NLGN1: variants seen among roughly 807,000 people sequenced by gnomAD.
The protein encoded by NLGN1 is neuroligin 1.
A neutral mutation model predicts 65.5 loss-of-function variants in NLGN1; 12 were observed. That is an observed-to-expected ratio of 0.18 (90% CI 0.12 to 0.30). The LOEUF is 0.30. Among genes scored for constraint, NLGN1 ranks in the 10% least tolerant of loss-of-function variants. NLGN1 has a pLI of 1.00. For synonymous variants in NLGN1, 350 were observed against 359.5 expected (o/e 0.97, Z 0.30); for missense variants, 750 against 1,007.1 (o/e 0.74, Z 3.46).
chr3:174,165,942 A>T (rs1727408177), intron 4 of NLGN1, among the ~76,000 whole-genome samples: 1 of 151,974 alleles, frequency 6.6e-6, no homozygotes, highest in Non-Finnish European at 1.5e-5. Context: ...GTGTTTTCAG[A>T]AATTTATCCA....
At chr3:173,954,890 G>A (rs1711586548) in intron 4 of NLGN1, among the ~76,000 whole-genome samples, 1 of 152,082 alleles carries the variant, frequency 6.6e-6, no homozygotes, top group South Asian at 2.1e-4. Context: ...AAATAATACT[G>A]AGTACTTGCA....
At chr3:173,866,067 C>T (rs1356411219) in intron 4 of NLGN1, among the ~76,000 whole-genome samples, 1 of 152,182 alleles carries the variant, frequency 6.6e-6, no homozygotes, top group Non-Finnish European at 1.5e-5. Flanking sequence ...ACACCTGTGA[C>T]CACATCTGCT....
intron 4 of NLGN1, among the ~76,000 whole-genome samples, chr3:174,241,086 A>G (rs1742717340): frequency 6.6e-6 from 1 of 152,166 alleles, no homozygotes; most frequent in Admixed American, 6.5e-5. Context: ...AACAATGACA[A>G]AACTTAGTTT....
At chr3:173,877,139 T>A (rs1259846089) in intron 4 of NLGN1, among the ~76,000 whole-genome samples, 1 of 152,194 alleles carries the variant, frequency 6.6e-6, no homozygotes, top group Non-Finnish European at 1.5e-5. Context: ...TAATTACTAG[T>A]ACTGTGTGAT....
At chr3:173,564,185 AAAG>A (rs1743259377) in intron 2 of NLGN1, among the ~76,000 whole-genome samples, 1 of 152,176 alleles carries the variant, frequency 6.6e-6, no homozygotes, top group Non-Finnish European at 1.5e-5. Context: ...TTTCTACTCA[AAAG>A]AAGTTAGCTT....
intron 4 of NLGN1, among the ~76,000 whole-genome samples, chr3:173,996,554 A>G (rs978081615): frequency 1.3e-5 from 2 of 152,190 alleles, no homozygotes; most frequent in Non-Finnish European, 2.9e-5. Flanking sequence ...AAGGCTTTCC[A>G]TGTTAAAGTC....
At chr3:174,042,132 A>G (rs1415111724) in intron 4 of NLGN1, among the ~76,000 whole-genome samples, 1 of 151,996 alleles carries the variant, frequency 6.6e-6, no homozygotes, top group African/African-American at 2.4e-5. Flanking sequence ...CCTGTTCTTT[A>G]TCAGATATAT....
intron 4 of NLGN1, among the ~76,000 whole-genome samples, chr3:174,213,313 A>C (rs1007063365): frequency 6.6e-6 from 1 of 152,220 alleles, no homozygotes. Flanking sequence ...GTTTTGTTAG[A>C]GTATAATTTT....
intron 4 of NLGN1, among the ~76,000 whole-genome samples, chr3:173,911,798 T>G (rs1739655682): frequency 6.6e-6 from 1 of 152,196 alleles, no homozygotes; most frequent in Non-Finnish European, 1.5e-5. Flanking sequence ...AAAGCATCCC[T>G]TTGTTTCCTC....
intron 4 of NLGN1, among the ~76,000 whole-genome samples, chr3:174,233,516 A>G (rs1047775976): frequency 5.4e-4 from 70 of 130,718 alleles, no homozygotes; most frequent in Admixed American, 1.6e-3. Flanking sequence ...TAATAATAAT[A>G]ATATAAAAAA....
chr3:173,617,909 T>C (rs1375110554), intron 3 of NLGN1, among the ~76,000 whole-genome samples: 3 of 152,170 alleles, frequency 2.0e-5, no homozygotes, highest in Non-Finnish European at 4.4e-5. Context: ...CTGACAAATA[T>C]ATCTTCTAAT....
chr3:173,641,774 G>C (rs1757452564), intron 3 of NLGN1, among the ~76,000 whole-genome samples: 1 of 152,148 alleles, frequency 6.6e-6, no homozygotes, highest in African/African-American at 2.4e-5. Context: ...TTAGAAGTGG[G>C]TAGGCTAGAG....
intron 2 of NLGN1, among the ~76,000 whole-genome samples, chr3:173,539,756 T>TATAGGTACATATATAAC (rs1560407319): frequency 2.3e-5 from 2 of 85,514 alleles, no homozygotes; most frequent in Admixed American, 1.2e-4. Context: ...ATATATAACA[T>TATAGGTACATATATAAC]ATACATGTAC....
chr3:174,174,267 T>C (rs1336725212), intron 4 of NLGN1, among the ~76,000 whole-genome samples: 2 of 152,182 alleles, frequency 1.3e-5, no homozygotes, highest in Middle Eastern at 3.4e-3. Context: ...GCAAGTGTAA[T>C]TGTGCTGCTA....
chr3:173,659,097 C>T (rs1004115449), intron 3 of NLGN1, among the ~76,000 whole-genome samples: 3 of 151,904 alleles, frequency 2.0e-5, no homozygotes, highest in Admixed American at 1.3e-4. Context: ...CTTCTATTGC[C>T]ACTACTCATT....
chr3:173,463,163 G>A (rs1723693992), intron 2 of NLGN1, among the ~76,000 whole-genome samples: 1 of 152,040 alleles, frequency 6.6e-6, no homozygotes, highest in Non-Finnish European at 1.5e-5. Context: ...GTATGCAAGT[G>A]GTCTGTGACT....
chr3:173,632,620 C>T (rs1040429366), intron 3 of NLGN1, among the ~76,000 whole-genome samples: 4 of 152,196 alleles, frequency 2.6e-5, no homozygotes, highest in East Asian at 1.9e-4. Context: ...GTCAATTCAT[C>T]GTTAGATATT....
chr3:173,480,124 T>C (rs1439353553), intron 2 of NLGN1, among the ~76,000 whole-genome samples: 1 of 152,098 alleles, frequency 6.6e-6, no homozygotes, highest in Non-Finnish European at 1.5e-5. Flanking sequence ...TGCTTGTATG[T>C]GTTTAGGCAA....
chr3:174,121,054 G>T (rs1717672731), intron 4 of NLGN1, among the ~76,000 whole-genome samples: 1 of 152,126 alleles, frequency 6.6e-6, no homozygotes, highest in Admixed American at 6.5e-5. Flanking sequence ...TTATGTGCCA[G>T]GAATTACCTT....
Sources: allele counts gnomAD v4.1 joint callset (sites outside exome capture counted in the v4.1 genomes callset), GRCh38; gene constraint gnomAD v4.1.1; transcripts MANE v1.5; gene names NCBI Gene and HGNC (gene_info 2026-07-23, HGNC 2026-07-21).